The following XNDC1N variants were observed in gnomAD, a reference collection of about 807,000 sequenced individuals.
The protein encoded by XNDC1N is protein XNDC1N.
At chr11:71,898,284 T>C in the XNDC1N span, among the ~76,000 whole-genome samples, 4 of 150,370 alleles carry the variant, frequency 2.7e-5, no homozygotes, top group African/African-American at 9.8e-5. Flanking sequence ...CTTGAAGACA[T>C]TATCGTCAGT....
chr11:71,891,138 C>T, the XNDC1N span, among the ~76,000 whole-genome samples: 2 of 151,986 alleles, frequency 1.3e-5, no homozygotes, highest in Admixed American at 6.5e-5. Flanking sequence ...GAGGGGTGTA[C>T]ACCCTCTGCG....
the XNDC1N span, among the ~76,000 whole-genome samples, chr11:71,911,371 G>A: frequency 3.8e-4 from 58 of 152,334 alleles, no homozygotes; most frequent in African/African-American, 1.3e-3. Context: ...TTGTGTAGAA[G>A]TGTTGGACTC....
At chr11:71,891,524 C>T in the XNDC1N span, among the ~76,000 whole-genome samples, 1 of 152,024 alleles carries the variant, frequency 6.6e-6, no homozygotes, top group Non-Finnish European at 1.5e-5. Context: ...CACCCTGCGA[C>T]ATTGGATGTA....
the XNDC1N span, among the ~76,000 whole-genome samples, chr11:71,895,733 G>C: frequency 6.6e-6 from 1 of 152,214 alleles, no homozygotes; most frequent in Non-Finnish European, 1.5e-5. Context: ...AAACAGAAAA[G>C]AATAAAATGG....
chr11:71,905,560 C>T, the XNDC1N span, among the ~76,000 whole-genome samples: 11 of 151,960 alleles, frequency 7.2e-5, no homozygotes, highest in African/African-American at 2.4e-4. Context: ...TAGGAGATTA[C>T]GAATGATATC....
the XNDC1N span, among the ~76,000 whole-genome samples, chr11:71,899,538 A>G: frequency 6.6e-6 from 1 of 152,224 alleles, no homozygotes; most frequent in African/African-American, 2.4e-5. Flanking sequence ...TCACAAAAAC[A>G]TGTGTTGTAT....
the XNDC1N span, among the ~76,000 whole-genome samples, chr11:71,883,562 G>C: frequency 6.6e-6 from 1 of 152,136 alleles, no homozygotes; most frequent in Admixed American, 6.5e-5. Flanking sequence ...AACTGGGCCT[G>C]TATCTTACAC....
chr11:71,913,382 A>C, the XNDC1N span, among the ~76,000 whole-genome samples: 1 of 152,224 alleles, frequency 6.6e-6, no homozygotes, highest in Middle Eastern at 3.4e-3. Context: ...AAGACTAACA[A>C]GGTCACGGGG....
the XNDC1N span, among the ~76,000 whole-genome samples, chr11:71,878,794 C>T: frequency 6.0e-5 from 9 of 149,784 alleles, no homozygotes; most frequent in South Asian, 1.1e-3. Context: ...TAGACCAGCC[C>T]GGTGGGGGCA....
chr11:71,889,043 G>T, the XNDC1N span, among the ~76,000 whole-genome samples: 2 of 152,162 alleles, frequency 1.3e-5, no homozygotes, highest in African/African-American at 2.4e-5. Context: ...GGGTATGCAG[G>T]GGTAACCCTG....
chr11:71,870,382 C>A, the XNDC1N span, among the ~76,000 whole-genome samples: 1 of 152,154 alleles, frequency 6.6e-6, no homozygotes, highest in Non-Finnish European at 1.5e-5. Flanking sequence ...GTGCCCTAAT[C>A]CTGGGAAGCT....
At chr11:71,874,213 G>A in the XNDC1N span, among the ~76,000 whole-genome samples, 151 of 152,142 alleles carry the variant, frequency 9.9e-4, no homozygotes, top group African/African-American at 8.2e-4. Flanking sequence ...CCAGTTACTC[G>A]GGAGGCTGAC....
the XNDC1N span, among the ~76,000 whole-genome samples, chr11:71,901,205 T>C: frequency 6.6e-6 from 1 of 152,148 alleles, no homozygotes; most frequent in African/African-American, 2.4e-5. Context: ...AAAGCAGTCA[T>C]CAATTCGGAG....
the XNDC1N span, among the ~76,000 whole-genome samples, chr11:71,885,510 T>A: frequency 6.6e-6 from 1 of 152,126 alleles, no homozygotes; most frequent in African/African-American, 2.4e-5. Context: ...AGTGCTATAT[T>A]GGGAGTAACA....
chr11:71,908,313 G>C, the XNDC1N span, among the ~76,000 whole-genome samples: 1 of 151,358 alleles, frequency 6.6e-6, no homozygotes, highest in East Asian at 1.9e-4. Context: ...ATTAATATCA[G>C]GCATCATTAA....
At chr11:71,921,266 C>A in the XNDC1N span, among the ~76,000 whole-genome samples, 1 of 152,150 alleles carries the variant, frequency 6.6e-6, no homozygotes, top group Non-Finnish European at 1.5e-5. Context: ...GATCCTCCCA[C>A]CTCAGTCTCC....
chr11:71,888,584 C>T, the XNDC1N span, among the ~76,000 whole-genome samples: 2 of 152,174 alleles, frequency 1.3e-5, no homozygotes, highest in African/African-American at 4.8e-5. Flanking sequence ...GACTGTGGGG[C>T]CCAGGCCGAG....
chr11:71,920,238 G>A, the XNDC1N span, among the ~76,000 whole-genome samples: 1 of 151,976 alleles, frequency 6.6e-6, no homozygotes, highest in Non-Finnish European at 1.5e-5. Flanking sequence ...GATTACAGGC[G>A]TGAGCCACCG....
chr11:71,872,167 G>A, the XNDC1N span, among the ~76,000 whole-genome samples: 1 of 152,102 alleles, frequency 6.6e-6, no homozygotes, highest in Non-Finnish European at 1.5e-5. Flanking sequence ...CAGTGAATGA[G>A]TTTATATATA....
Sources: allele counts gnomAD v4.1 joint callset (sites outside exome capture counted in the v4.1 genomes callset), GRCh38; gene constraint gnomAD v4.1.1; transcripts MANE v1.5; gene names NCBI Gene and HGNC (gene_info 2026-07-23, HGNC 2026-07-21).